Variants in XPO6 observed in about 807,000 individuals in gnomAD.
XPO6 encodes the protein exportin 6.
Under a neutral mutation model 130.0 loss-of-function variants are expected in XPO6, and 3 were observed. That is an observed-to-expected ratio of 0.02 (90% confidence interval 0.01 to 0.06). The LOEUF is 0.06. Among genes scored for constraint, XPO6 ranks in the 10% least tolerant of loss-of-function variants. The probability of loss-of-function intolerance (pLI) is 1.00; values close to 1 mark genes in which losing one functional copy is unlikely to be tolerated. For synonymous variants in XPO6, 524 were observed against 548.9 expected (o/e 0.95, Z 0.63); for missense variants, 970 against 1,393.0 (o/e 0.70, Z 4.83).
At chr16:28,162,731 T>C (rs967905030) in intron 6 of XPO6, among the ~76,000 whole-genome samples, 2 of 151,680 alleles carry the variant, frequency 1.3e-5, no homozygotes, top group East Asian at 3.9e-4. Flanking sequence ...CCCAGATATA[T>C]ATATATTAGA....
rs759470184 is a variant in XPO6, at chr16:28,133,860, G to T, written c.1517C>A (p.Thr506Lys). ...VVAKVMELLP[T>K]HAFSTLFPVL... ...CATTACCAGTGTGGAGAAGGCGTGC[G>T]TGGGCAGGAGCTCCATCACTTTGGC... is the stretch of plus-strand genomic sequence containing the variant. The change falls in exon 11 of 24, where the codon ACG (threonine) becomes AAG (lysine). Residue 506 changes from threonine to lysine, a missense_variant. This residue lies in a region of XPO6 where 936 missense variants were observed against 1,306.8 expected (regional missense o/e 0.72). Coordinates refer to ENST00000304658, the MANE Select transcript of XPO6 (RefSeq NM_015171.4). 6.2e-7 allele frequency: 1 copy of T among 1,613,980 alleles called. No homozygotes were observed. The highest frequency in any genetic ancestry group is 2.2e-5 in the East Asian group (1 of 44,884).
Position 28,211,530 on chromosome 16 carries a change from C to G in XPO6, c.-162G>C. ...CCCCGAGGGGACCCTCTAAAAAGGG[C>G]AGGGCCGCCCGGGTCGCCTCATCGG... On this transcript the variant is annotated 5_prime_UTR_variant, in exon 1 of 24. Transcript: ENST00000304658. 2.6e-6 allele frequency: 2 copies of G among 757,306 alleles called. No homozygotes were observed. Among genetic ancestry groups the G allele is most frequent in the Non-Finnish European group, 3.7e-6 (2 of 540,576 alleles). 46.9% of individuals were successfully genotyped at this position (757,306 alleles called of 1,614,324 possible).
At chr16:28,181,278 T>A (rs1206206008) in intron 1 of XPO6, among the ~76,000 whole-genome samples, 1 of 152,156 alleles carries the variant, frequency 6.6e-6, no homozygotes, top group Non-Finnish European at 1.5e-5. Context: ...CAATTATGTA[T>A]GCTAAGAAAA....
intron 12 of XPO6, among the ~76,000 whole-genome samples, chr16:28,130,256 C>G (rs1209775797): frequency 6.6e-6 from 1 of 152,206 alleles, no homozygotes; most frequent in Non-Finnish European, 1.5e-5. Flanking sequence ...GGTCACAGCA[C>G]CAGGAGTAGA....
chr16:28,181,829 G>A (rs1175235280), intron 1 of XPO6, among the ~76,000 whole-genome samples: 1 of 152,164 alleles, frequency 6.6e-6, no homozygotes, highest in African/African-American at 2.4e-5. Flanking sequence ...CAGGCCCACA[G>A]TGAGAGCCAG....
intron 1 of XPO6, among the ~76,000 whole-genome samples, chr16:28,188,317 T>C (rs778781967): frequency 6.6e-6 from 1 of 152,156 alleles, no homozygotes; most frequent in Non-Finnish European, 1.5e-5. Flanking sequence ...TTGTATAATC[T>C]ACTAGGAGGT....
At chr16:28,154,218 T>TC (rs1294180653) in intron 7 of XPO6, 6 of 975,854 alleles carry the variant, frequency 6.1e-6, no homozygotes, top group Non-Finnish European at 7.2e-6. Flanking sequence ...AGCTGACTGT[T>TC]CTTTAGGAAG....
chr16:28,201,040 C>T (rs1012538689), intron 1 of XPO6, among the ~76,000 whole-genome samples: 1 of 152,072 alleles, frequency 6.6e-6, no homozygotes, highest in African/African-American at 2.4e-5. Flanking sequence ...AAAGACCTCA[C>T]CTCACCCACT....
At chr16:28,175,138 G>T (rs1246247509) in intron 4 of XPO6, among the ~76,000 whole-genome samples, 1 of 151,986 alleles carries the variant, frequency 6.6e-6, no homozygotes, top group African/African-American at 2.4e-5. Context: ...AGTCATTCTA[G>T]ATTCCTCCCT....
At chr16:28,125,097 A>T (rs775651086) in intron 13 of XPO6, among the ~76,000 whole-genome samples, 9 of 152,144 alleles carry the variant, frequency 5.9e-5, no homozygotes, top group Non-Finnish European at 1.0e-4. Context: ...CTGGTGTGAG[A>T]CCCAAGAGGA....
chr16:28,194,578 T>A (rs931002437), intron 1 of XPO6, among the ~76,000 whole-genome samples: 47 of 152,116 alleles, frequency 3.1e-4, no homozygotes, highest in African/African-American at 1.1e-3. Flanking sequence ...CTCCCAAACC[T>A]AGTGTCTGTG....
At chr16:28,191,297 A>G (rs2043783745) in intron 1 of XPO6, among the ~76,000 whole-genome samples, 1 of 152,244 alleles carries the variant, frequency 6.6e-6, no homozygotes, top group African/African-American at 2.4e-5. Context: ...AACAGCCAAA[A>G]AAAGTAAATG....
At chr16:28,118,442 C>A (rs1033438331) in intron 14 of XPO6, among the ~76,000 whole-genome samples, 1 of 152,180 alleles carries the variant, frequency 6.6e-6, no homozygotes, top group Non-Finnish European at 1.5e-5. Flanking sequence ...CTCACTGCAG[C>A]CTCAACCTTC....
intron 6 of XPO6, among the ~76,000 whole-genome samples, chr16:28,159,954 G>C (rs1168037863): frequency 6.7e-6 from 1 of 149,750 alleles, no homozygotes; most frequent in Non-Finnish European, 1.5e-5. Context: ...GGGAGGCCAA[G>C]GCGGGCAAAT....
chr16:28,188,902 T>C (rs2141885180), intron 1 of XPO6, among the ~76,000 whole-genome samples: 1 of 152,186 alleles, frequency 6.6e-6, no homozygotes, highest in Middle Eastern at 3.4e-3. Context: ...CAATGCTTCC[T>C]CCCATCTCTC....
chr16:28,119,432 T>C (rs1429335539), intron 14 of XPO6, among the ~76,000 whole-genome samples: 1 of 152,176 alleles, frequency 6.6e-6, no homozygotes, highest in African/African-American at 2.4e-5. Context: ...GTAGTAACCT[T>C]GCTAAAAATG....
chr16:28,156,587 G>T, intron 6 of XPO6, 60 bp from the exon 7 acceptor site: 1 of 1,262,692 alleles, frequency 7.9e-7, no homozygotes, highest in Non-Finnish European at 1.1e-6. Context: ...ATGACTTTAA[G>T]TAATTCTCCT....
In XPO6 at chr16:28,101,632, C is replaced by A. The variant is rs2086657385; in HGVS notation, c.3102G>T (p.Leu1034=). The change falls in exon 23 of 24, where the codon CTG becomes CTT. Residue 1034 remains leucine (L), a synonymous_variant. Coordinates refer to ENST00000304658, the MANE Select transcript of XPO6 (RefSeq NM_015171.4). The surrounding 1 kb of genome is among the most constrained non-coding windows in gnomAD (Gnocchi z 5.4). The part of the protein sequence containing the change: ...FQFVNVLLQV[L]VHKSHDLLQE... The stretch of plus-strand genomic sequence containing the variant: ...GCAGAAGATCATGGGACTTGTGGAC[C>A]AGGACCTGGAGCAGCACGTTCACAA... The A allele has an allele frequency of 6.2e-7, 1 of 1,613,904 alleles. No homozygotes were observed. The highest frequency in any genetic ancestry group is 8.5e-7 in the Non-Finnish European group (1 of 1,179,778).
chr16:28,211,185 C>T (rs1201369983), intron 1 of XPO6, among the ~76,000 whole-genome samples, 181 bp downstream of exon 1: 2 of 152,320 alleles, frequency 1.3e-5, no homozygotes, highest in Admixed American at 1.3e-4. Context: ...AGCCATCATC[C>T]CTGGGGGGAT....
Sources: allele counts gnomAD v4.1 joint callset (sites outside exome capture counted in the v4.1 genomes callset), GRCh38; gene constraint gnomAD v4.1.1; regional missense constraint gnomAD v4.1.1; non-coding constraint Gnocchi (gnomAD v3.1); transcripts MANE v1.5; gene names NCBI Gene and HGNC (gene_info 2026-07-23, HGNC 2026-07-21).